NAALADL2: variants seen among roughly 807,000 people sequenced by gnomAD.
NAALADL2 encodes the protein N-acetylated alpha-linked acidic dipeptidase like 2, also known as inactive N-acetylated-alpha-linked acidic dipeptidase-like protein 2.
NAALADL2 carries 76 observed loss-of-function variants against 87.2 expected under a neutral mutation model. The ratio of observed to expected loss-of-function variants is 0.87; its 90% CI spans 0.72 to 1.05. NAALADL2 has a LOEUF of 1.05. NAALADL2 is among the 50% of genes least tolerant of loss of function. The pLI is 0.00. For synonymous variants in NAALADL2, 354 were observed against 331.0 expected (o/e 1.07, Z -0.75); for missense variants, 1,089 against 945.8 (o/e 1.15, Z -1.99).
At chr3:174,452,423 T>C (rs1250896958) in intron 1 of NAALADL2, among the ~76,000 whole-genome samples, 1 of 152,144 alleles carries the variant, frequency 6.6e-6, no homozygotes, top group East Asian at 1.9e-4. Flanking sequence ...AACAAGTGTA[T>C]ACCCTGCTGC....
At chr3:175,153,028 C>G (rs976688224) in intron 2 of NAALADL2, among the ~76,000 whole-genome samples, 2 of 152,080 alleles carry the variant, frequency 1.3e-5, no homozygotes, top group African/African-American at 2.4e-5. Flanking sequence ...TAAATAACTT[C>G]TAACATTGAT....
At chr3:174,955,205 A>G (rs904136382) in intron 1 of NAALADL2, among the ~76,000 whole-genome samples, 1 of 152,114 alleles carries the variant, frequency 6.6e-6, no homozygotes, top group South Asian at 2.1e-4. Context: ...CTTGAAATAC[A>G]ACTACAAATA....
At chr3:174,751,858 ATG>A (rs148978072) in intron 3 of NAALADL2, among the ~76,000 whole-genome samples, 63,774 of 151,006 alleles carry the variant, frequency 0.42, 13,921 homozygotes, top group African/African-American at 0.55. Flanking sequence ...TTATGTATGT[ATG>A]TGTGTGTGTG....
intron 3 of NAALADL2, among the ~76,000 whole-genome samples, chr3:174,823,894 A>T (rs2109341122): frequency 6.6e-6 from 1 of 152,266 alleles, no homozygotes; most frequent in African/African-American, 2.4e-5. Flanking sequence ...TATTTTTAGT[A>T]GATACGAGAT....
chr3:174,529,296 G>A (rs548370871), intron 1 of NAALADL2, among the ~76,000 whole-genome samples: 3 of 152,326 alleles, frequency 2.0e-5, no homozygotes, highest in East Asian at 3.9e-4. Flanking sequence ...TCACATCCAG[G>A]TTGCACTGAT....
Position 175,465,473 on chromosome 3 carries a change from CTT to C in NAALADL2, c.1328-1488_1328-1487del, listed in dbSNP as rs71164634. The stretch of plus-strand genomic sequence containing the variant: ...ACACTATGTATACCATGAATTAAAT[CTT>C]TTTTTTTTTTTTTTTTTGAGATGGA... On this transcript the variant is annotated intron_variant, in intron 7 of 13. Coordinates refer to ENST00000454872, the MANE Select transcript of NAALADL2 (RefSeq NM_207015.3). 3.6e-3 allele frequency among the ~76,000 whole-genome samples: 385 copies of C among 106,710 alleles called. 4 individuals are homozygous for C. Among genetic ancestry groups the C allele is most frequent in the African/African-American group, 9.8e-3 (260 of 26,444 alleles). 70.0% of individuals were successfully genotyped at this position (106,710 alleles called of 152,430 possible).
intron 11 of NAALADL2, among the ~76,000 whole-genome samples, chr3:175,733,718 G>A (rs573190856): frequency 5.9e-5 from 9 of 152,228 alleles, no homozygotes; most frequent in Non-Finnish European, 1.2e-4. Flanking sequence ...TTCCACCTAT[G>A]AGCCTGTAAA....
chr3:175,462,689 T>C (rs1723324663), intron 6 of NAALADL2, among the ~76,000 whole-genome samples: 1 of 152,184 alleles, frequency 6.6e-6, no homozygotes, highest in Non-Finnish European at 1.5e-5. Context: ...GATTAACACA[T>C]TTCATCTCCA....
At chr3:175,243,337 C>CACACAT (rs1279679450) in intron 3 of NAALADL2, among the ~76,000 whole-genome samples, 3 of 151,378 alleles carry the variant, frequency 2.0e-5, no homozygotes, top group Admixed American at 6.6e-5. Flanking sequence ...CACACACACA[C>CACACAT]ACACACACGC....
rs116160070 is a variant in NAALADL2, at chr3:174,990,013, C to T, written c.44-106777C>T. Reference sequence around the variant, plus strand: ...TTGGTTATAAATTCCTCATGAAAACCGTAAAAAGAGATTTCCTATTGAAAA... The same window carrying T: ...TTGGTTATAAATTCCTCATGAAAACTGTAAAAAGAGATTTCCTATTGAAAA... On this transcript the variant is annotated intron_variant, in intron 1 of 13. Coordinates refer to ENST00000454872, the MANE Select transcript of NAALADL2 (RefSeq NM_207015.3). Among the ~76,000 whole-genome samples the T allele has an allele frequency of 6.0e-3, 918 of 151,800 alleles. 5 individuals are homozygous for T. Among genetic ancestry groups the T allele is most frequent in the African/African-American group, 0.021 (878 of 41,386 alleles).
chr3:175,493,310 C>T (rs373104022), intron 9 of NAALADL2, among the ~76,000 whole-genome samples: 3 of 152,022 alleles, frequency 2.0e-5, no homozygotes, highest in East Asian at 1.9e-4. Flanking sequence ...CTAGCAACCT[C>T]GCGTTTGTAT....
At chr3:174,652,040 C>T (rs1274317886) in intron 2 of NAALADL2, among the ~76,000 whole-genome samples, 2 of 152,144 alleles carry the variant, frequency 1.3e-5, no homozygotes, top group Non-Finnish European at 2.9e-5. Context: ...TATTAGACTG[C>T]AGTCTAGTTC....
intron 9 of NAALADL2, among the ~76,000 whole-genome samples, chr3:175,473,209 T>C (rs1240059384): frequency 2.0e-5 from 3 of 152,120 alleles, no homozygotes; most frequent in Non-Finnish European, 2.9e-5. Context: ...TTTCAGTATC[T>C]AAACCTAATT....
At chr3:174,816,194 CTCT>C (rs1014533138) in intron 3 of NAALADL2, among the ~76,000 whole-genome samples, 1 of 151,690 alleles carries the variant, frequency 6.6e-6, no homozygotes, top group Non-Finnish European at 1.5e-5. Context: ...TACTCCTATC[CTCT>C]TCTTCATCGT....
At chr3:174,480,294 T>C (rs1188409581) in intron 1 of NAALADL2, among the ~76,000 whole-genome samples, 1 of 152,150 alleles carries the variant, frequency 6.6e-6, no homozygotes, top group Non-Finnish European at 1.5e-5. Flanking sequence ...AGAAATCTGC[T>C]GTAGAATTGC....
chr3:174,505,193 C>A (rs960429776), intron 1 of NAALADL2, among the ~76,000 whole-genome samples: 1 of 152,120 alleles, frequency 6.6e-6, no homozygotes, highest in Non-Finnish European at 1.5e-5. Flanking sequence ...AAATTCTTCA[C>A]CACTATCTCC....
At chr3:175,295,067 C>T (rs772855917) in intron 4 of NAALADL2, among the ~76,000 whole-genome samples, 1 of 152,092 alleles carries the variant, frequency 6.6e-6, no homozygotes, top group South Asian at 2.1e-4. Context: ...TTGCATGTGT[C>T]AATACATGCA....
rs1425034066 is a variant in NAALADL2 at position 175,808,804 on chromosome 3, A to G, written c.*5601A>G. On this transcript the variant is annotated 3_prime_UTR_variant, in exon 14 of 14. Coordinates refer to ENST00000454872, the MANE Select transcript of NAALADL2 (RefSeq NM_207015.3). ...AATGTCGGTCTTTTGTTCTAATTAA[A>G]GTACAAACGTGGCATCTGAATAGAA... 1 of 152,016 alleles carries G rather than the reference A, an allele frequency of 6.6e-6. No homozygotes were observed. Among genetic ancestry groups the G allele is most frequent in the Non-Finnish European group, 1.5e-5 (1 of 67,942 alleles). 9.4% of individuals were successfully genotyped at this position (152,016 alleles called of 1,614,324 possible).
chr3:174,576,608 C>T (rs972855783), intron 2 of NAALADL2, among the ~76,000 whole-genome samples: 1 of 152,118 alleles, frequency 6.6e-6, no homozygotes, highest in East Asian at 1.9e-4. Context: ...ATTTCTTACT[C>T]GATTACATTA....
Sources: allele counts gnomAD v4.1 joint callset (sites outside exome capture counted in the v4.1 genomes callset), GRCh38; gene constraint gnomAD v4.1.1; transcripts MANE v1.5; gene names NCBI Gene and HGNC (gene_info 2026-07-23, HGNC 2026-07-21).